Variants in CEMIP observed in about 807,000 individuals in gnomAD.
The protein encoded by CEMIP is cell migration inducing hyaluronidase 1.
Under a neutral mutation model 156.9 loss-of-function variants are expected in CEMIP, and 105 were observed. The observed-to-expected ratio is 0.67, with a 90% CI of 0.57 to 0.79. The LOEUF (loss-of-function observed/expected upper bound fraction) is 0.79. Among genes scored for constraint, CEMIP ranks in the 30% least tolerant of loss-of-function variants. CEMIP has a pLI of 0.00. For synonymous variants in CEMIP, 676 were observed against 668.4 expected (o/e 1.01, Z -0.17); for missense variants, 1,457 against 1,769.4 (o/e 0.82, Z 3.17).
At chr15:80,805,502 C>T (rs1896492731) in intron 1 of CEMIP, among the ~76,000 whole-genome samples, 2 of 152,092 alleles carry the variant, frequency 1.3e-5, no homozygotes, top group African/African-American at 2.4e-5. Context: ...TTGGTGGTTA[C>T]CGTGTGGTTA....
chr15:80,849,448 A>G (rs1174218234), intron 1 of CEMIP, among the ~76,000 whole-genome samples: 3 of 151,586 alleles, frequency 2.0e-5, no homozygotes, highest in East Asian at 3.9e-4. Context: ...CGAGGAGCCT[A>G]CTCTCTACTC....
chr15:80,837,199 G>A (rs1897288200), intron 1 of CEMIP, among the ~76,000 whole-genome samples: 2 of 152,224 alleles, frequency 1.3e-5, no homozygotes, highest in Admixed American at 1.3e-4. Context: ...TGGTTGCTCA[G>A]AATGATTTGC....
At chr15:80,894,137 C>G (rs137889123) in intron 10 of CEMIP, among the ~76,000 whole-genome samples, 327 of 152,274 alleles carry the variant, frequency 2.1e-3, no homozygotes, top group African/African-American at 7.6e-3. Flanking sequence ...ATGCTGGGGA[C>G]AAGGGGGCAA....
intron 1 of CEMIP, among the ~76,000 whole-genome samples, chr15:80,817,604 A>AT (rs1212504399): frequency 9.3e-5 from 7 of 75,018 alleles, no homozygotes; most frequent in Non-Finnish European, 1.7e-4. Flanking sequence ...CTGTCTCAAA[A>AT]TAATAATAAT....
At chr15:80,871,168 T>A (rs1474856592) in intron 1 of CEMIP, among the ~76,000 whole-genome samples, 2 of 152,162 alleles carry the variant, frequency 1.3e-5, no homozygotes, top group East Asian at 3.9e-4. Context: ...TCTTTTAGGA[T>A]TCACTTCAAT....
intron 14 of CEMIP, among the ~76,000 whole-genome samples, chr15:80,919,584 C>T (rs536766542): frequency 6.6e-6 from 1 of 152,128 alleles, no homozygotes; most frequent in African/African-American, 2.4e-5. Context: ...GAGCCCAAGG[C>T]GGGCGGATCA....
chr15:80,910,640 G>A (rs1480493441), intron 14 of CEMIP, among the ~76,000 whole-genome samples: 1 of 152,210 alleles, frequency 6.6e-6, no homozygotes, highest in Non-Finnish European at 1.5e-5. Context: ...CAGTCTAGGG[G>A]GGCCTGGGTT....
chr15:80,779,633 G>A lies in CEMIP; in HGVS notation c.-176+19G>A, dbSNP rs903142767. 1 of 152,298 alleles carries A rather than the reference G, an allele frequency of 6.6e-6. No homozygotes were observed. Among genetic ancestry groups the A allele is most frequent in the Non-Finnish European group, 1.5e-5 (1 of 68,122 alleles). The allele number at this position is 152,298 out of a possible 1,614,324, so 9.4% of individuals were successfully genotyped here. A position where few individuals can be genotyped will look rare whatever the true frequency, so the allele number is the denominator to read the frequency against. On this transcript the variant is annotated intron_variant, in intron 1 of 29. Transcript: ENST00000394685. ...CCCAGAGGTAAGAGGGCCTGGCTGG[G>A]GGCGTCAGGGATGAGCTGACGGCCC...
chr15:80,860,543 C>T (rs147435691), intron 1 of CEMIP, among the ~76,000 whole-genome samples: 482 of 152,310 alleles, frequency 3.2e-3, no homozygotes, highest in Non-Finnish European at 5.3e-3. Flanking sequence ...TAAGCCAGCA[C>T]GGCAGCACTG....
intron 21 of CEMIP, among the ~76,000 whole-genome samples, chr15:80,929,704 G>C (rs1264242384): frequency 6.6e-6 from 1 of 152,224 alleles, no homozygotes; most frequent in Non-Finnish European, 1.5e-5. Flanking sequence ...CATAGGGGAT[G>C]AGACTCATTC....
intron 1 of CEMIP, among the ~76,000 whole-genome samples, chr15:80,832,320 C>CTGTGTGTGTGTGTGTGTGTGTGTGTGTG (rs1266715174): frequency 1.1e-4 from 2 of 18,154 alleles, no homozygotes; most frequent in East Asian, 1.8e-3. Context: ...TTAAAATAAA[C>CTGTGTGTGTGTGTGTGTGTGTGTGTGTG]TCTGTGTGTG....
intron 1 of CEMIP, among the ~76,000 whole-genome samples, chr15:80,825,964 G>T (rs529567198): frequency 1.3e-5 from 2 of 152,274 alleles, no homozygotes; most frequent in African/African-American, 4.8e-5. Flanking sequence ...TTCTCTGTTT[G>T]TATGACATAC....
intron 14 of CEMIP, among the ~76,000 whole-genome samples, chr15:80,911,391 T>A (rs1222461578): frequency 6.6e-6 from 1 of 152,240 alleles, no homozygotes; most frequent in Non-Finnish European, 1.5e-5. Context: ...TTGTTGAAGT[T>A]CTATTCATAA....
intron 29 of CEMIP, 183 bp from the exon 30 acceptor site, chr15:80,948,614 T>A: frequency 1.3e-6 from 1 of 798,904 alleles, no homozygotes; most frequent in Non-Finnish European, 2.1e-6. Context: ...GCCTGCCCCA[T>A]ACAAACACAT....
At chr15:80,793,641 G>A (rs1234223884) in intron 1 of CEMIP, among the ~76,000 whole-genome samples, 1 of 152,182 alleles carries the variant, frequency 6.6e-6, no homozygotes, top group Admixed American at 6.5e-5. Flanking sequence ...GACAAACTGG[G>A]ATAAACAAAG....
At chr15:80,858,791 G>C (rs946432637) in intron 1 of CEMIP, among the ~76,000 whole-genome samples, 1 of 152,116 alleles carries the variant, frequency 6.6e-6, no homozygotes, top group African/African-American at 2.4e-5. Flanking sequence ...TATTAGTTAG[G>C]GTTGTTTCCA....
At chr15:80,898,364 G>A (rs1245148449) in intron 12 of CEMIP, among the ~76,000 whole-genome samples, 1 of 152,144 alleles carries the variant, frequency 6.6e-6, no homozygotes, top group Non-Finnish European at 1.5e-5. Flanking sequence ...GTATATGTGA[G>A]GCACTTACAA....
intron 25 of CEMIP, chr15:80,938,226 GAAAA>G: frequency 7.5e-6 from 3 of 398,024 alleles, no homozygotes; most frequent in Admixed American, 4.1e-5. Flanking sequence ...ACATATTTCA[GAAAA>G]AAAAAAGTGA....
chr15:80,918,554 G>C (rs566797339), intron 14 of CEMIP, among the ~76,000 whole-genome samples: 183 of 152,266 alleles, frequency 1.2e-3, no homozygotes, highest in Non-Finnish European at 2.1e-3. Context: ...GTTGCTGGTC[G>C]GTATGTGGAT....
Sources: gnomAD v4.1 joint callset for allele counts (sites outside exome capture counted in the v4.1 genomes callset) on GRCh38, gnomAD v4.1.1 for gene constraint, MANE v1.5 for transcripts, NCBI Gene and HGNC (gene_info 2026-07-23, HGNC 2026-07-21) for gene names.